The following NOMO1 variants were observed in gnomAD, a reference collection of about 807,000 sequenced individuals.
The protein encoded by NOMO1 is NODAL modulator 1.
Under a neutral mutation model 133.8 loss-of-function variants are expected in NOMO1, and 40 were observed. The ratio of observed to expected loss-of-function variants is 0.30; its 90% confidence interval spans 0.23 to 0.39. NOMO1 has a LOEUF of 0.39. NOMO1 is among the 10% of genes least tolerant of loss of function. The pLI is 1.00. For synonymous variants in NOMO1, 236 were observed against 570.5 expected, an observed-to-expected ratio of 0.41 and a Z score of 8.36; for missense variants, 462 against 1,419.9, an observed-to-expected ratio of 0.33 and a Z score of 10.84.
At chr16:14,869,067 T>A (rs879996394) in intron 16 of NOMO1, among the ~76,000 whole-genome samples, 1 of 152,038 alleles carries the variant, frequency 6.6e-6, no homozygotes, top group Non-Finnish European at 1.5e-5. Context: ...GCCTCTCGAG[T>A]AGCTGGGATT....
At chr16:14,875,490 A>G (rs1597109212) in intron 20 of NOMO1, 68 bp downstream of exon 20, 1 of 828,472 alleles carries the variant, frequency 1.2e-6, no homozygotes, top group South Asian at 1.8e-5. Context: ...TGCATTTACA[A>G]GTAGATTTGT....
chr16:14,886,694 A>T, intron 27 of NOMO1, 67 bp from the exon 28 acceptor site: 1 of 1,610,246 alleles, frequency 6.2e-7, no homozygotes, highest in East Asian at 2.2e-5. Flanking sequence ...TGTCCTGAGG[A>T]TGTCTGCTAT....
At chr16:14,892,853 A>G (rs1245926183) in intron 29 of NOMO1, among the ~76,000 whole-genome samples, 5 of 144,390 alleles carry the variant, frequency 3.5e-5, no homozygotes, top group Admixed American at 1.4e-4. Flanking sequence ...CTCAAGCCAC[A>G]TGGTTTCCAC....
chr16:14,856,568 C>T (rs1311972617), intron 9 of NOMO1, among the ~76,000 whole-genome samples: 2 of 151,880 alleles, frequency 1.3e-5, no homozygotes, highest in Non-Finnish European at 2.9e-5. Context: ...CCTGCCACCA[C>T]ACCTGGCTAA....
intron 27 of NOMO1, among the ~76,000 whole-genome samples, chr16:14,886,559 T>C (rs1482089466): frequency 4.0e-5 from 6 of 148,646 alleles, no homozygotes; most frequent in Non-Finnish European, 8.9e-5. Flanking sequence ...GATTTGAATC[T>C]TAATTTCTGT....
chr16:14,838,517 A>G (rs780010807), intron 2 of NOMO1, 21 bp downstream of exon 2: 2 of 1,611,786 alleles, frequency 1.2e-6, no homozygotes, highest in Non-Finnish European at 8.5e-7. Context: ...ACTGCTTGTC[A>G]CTTATGATGG....
intron 7 of NOMO1, 173 bp from the exon 8 acceptor site, chr16:14,853,294 A>G: frequency 2.0e-6 from 1 of 494,504 alleles, no homozygotes; most frequent in Non-Finnish European, 3.4e-6. Context: ...TTAACTTTGC[A>G]ACTTGAATGT....
chr16:14,866,092 C>G (rs1453521588), intron 14 of NOMO1, among the ~76,000 whole-genome samples: 1 of 148,404 alleles, frequency 6.7e-6, no homozygotes, highest in African/African-American at 2.5e-5. Flanking sequence ...TAGCCTCGCT[C>G]TGTCACCCAG....
At chr16:14,893,607 A>G (rs1324701095) in intron 29 of NOMO1, among the ~76,000 whole-genome samples, 1 of 151,898 alleles carries the variant, frequency 6.6e-6, no homozygotes, top group African/African-American at 2.4e-5. Flanking sequence ...TTATTCTTTC[A>G]TTTATGAAAG....
At chr16:14,839,850 T>G (rs533579279) in intron 2 of NOMO1, among the ~76,000 whole-genome samples, 10 of 150,974 alleles carry the variant, frequency 6.6e-5, no homozygotes, top group African/African-American at 2.4e-4. Flanking sequence ...CCAGTGATTC[T>G]TCTGCCTCAG....
intron 2 of NOMO1, 77 bp downstream of exon 2, chr16:14,838,573 C>T: frequency 6.2e-7 from 1 of 1,604,878 alleles, no homozygotes; most frequent in Non-Finnish European, 8.5e-7. Context: ...CATGCCCTTT[C>T]CTACACTAGC....
At chr16:14,866,788 G>C in intron 15 of NOMO1, 97 bp downstream of exon 15, 3 of 1,607,580 alleles carry the variant, frequency 1.9e-6, no homozygotes, top group East Asian at 2.3e-5. Flanking sequence ...ACGTAGGCAA[G>C]TTAGATTTCC....
rs1049612796 is a variant in NOMO1, at chr16:14,879,906, A to G, written c.2758-109A>G. On this transcript the variant is annotated intron_variant, in intron 23 of 30. Coordinates refer to ENST00000287667, the MANE Select transcript of NOMO1 (RefSeq NM_014287.4). ...GGGTTACTATTTCTGGCTGCCAGGGAAGCCATGGCGCTCCCCTGGTGTAAT... is the reference window on the plus strand; with the variant it reads ...GGGTTACTATTTCTGGCTGCCAGGGGAGCCATGGCGCTCCCCTGGTGTAAT... 10 of 1,600,526 alleles carry G rather than the reference A, an allele frequency of 6.2e-6. No individual in the cohort carries two copies. The African/African-American group carries it at 1.3e-4, about 22-fold the overall frequency.
chr16:14,836,896 G>A (rs1310197488), intron 1 of NOMO1, among the ~76,000 whole-genome samples: 6 of 150,712 alleles, frequency 4.0e-5, no homozygotes, highest in South Asian at 4.2e-4. Context: ...TAGTAGAGAC[G>A]GGGTTTCACC....
Position 14,875,003 on chromosome 16 carries a change from G to T in NOMO1, c.2055-33G>T, listed in dbSNP as rs746117613. The T allele has an allele frequency of 1.9e-6, 3 of 1,613,574 alleles. No individual in the cohort carries two copies. In the African/African-American group the frequency reaches 4.0e-5, roughly 22 times the overall value. On this transcript the variant is annotated intron_variant, in intron 18 of 30. Transcript: ENST00000287667. ...AAATTCCCACTGACCACAAGGATAC[G>T]CAACTATGTCCTAGGGGCCGTCTTT...
In NOMO1 at chr16:14,863,008, T is replaced by C; in HGVS notation, c.1221-5T>C. On this transcript the variant is annotated splice_polypyrimidine_tract_variant and splice_region_variant and intron_variant, in intron 11 of 30. Coordinates refer to ENST00000287667, the MANE Select transcript of NOMO1 (RefSeq NM_014287.4). ...GTGCTGGAATGAATGGTCTTCTCTT[T>C]GCAGGTTCAGTGTCTGTGGTCAGAT... 1 of 1,610,158 alleles carries C rather than the reference T, an allele frequency of 6.2e-7. No homozygotes were observed. Among genetic ancestry groups the C allele is most frequent in the Non-Finnish European group, 8.5e-7 (1 of 1,179,264 alleles).
At chr16:14,843,607 A>C (rs928111741) in intron 3 of NOMO1, among the ~76,000 whole-genome samples, 2 of 151,914 alleles carry the variant, frequency 1.3e-5, no homozygotes, top group African/African-American at 4.8e-5. Context: ...CACTGATGGA[A>C]TGTAAATGAA....
At chr16:14,853,315 G>A (rs1035219023) in intron 7 of NOMO1, 152 bp from the exon 8 acceptor site, 2 of 540,848 alleles carry the variant, frequency 3.7e-6, no homozygotes, top group Non-Finnish European at 6.2e-6. Flanking sequence ...CAAGATTTTT[G>A]TTCCTTTTAT....
intron 23 of NOMO1, 128 bp downstream of exon 23, chr16:14,878,962 T>C: frequency 1.8e-6 from 2 of 1,135,332 alleles, no homozygotes; most frequent in East Asian, 2.4e-5. Flanking sequence ...TTCAGTTTCT[T>C]GGGGGCCCAC....
Sources: allele counts gnomAD v4.1 joint callset (sites outside exome capture counted in the v4.1 genomes callset), GRCh38; gene constraint gnomAD v4.1.1; transcripts MANE v1.5; gene names NCBI Gene and HGNC (gene_info 2026-07-23, HGNC 2026-07-21).